ITSN2: variants seen among roughly 807,000 people sequenced by gnomAD.
ITSN2 encodes the protein intersectin 2.
ITSN2 carries 156 observed loss-of-function variants against 243.7 expected under a neutral mutation model. The observed-to-expected ratio is 0.64, with a 90% CI of 0.56 to 0.73. ITSN2 has a LOEUF of 0.73. ITSN2 is among the 30% of genes least tolerant of loss of function. ITSN2 has a pLI of 0.00. For synonymous variants in ITSN2, 703 were observed against 699.9 expected (o/e 1.00, Z -0.07); for missense variants, 1,801 against 1,996.1 (o/e 0.90, Z 1.86).
chr2:24,320,982 T>C (rs1684502496), intron 2 of ITSN2, among the ~76,000 whole-genome samples: 1 of 152,132 alleles, frequency 6.6e-6, no homozygotes, highest in Non-Finnish European at 1.5e-5. Context: ...GCCAACTTAG[T>C]GGTATGTACA....
rs536094948 is a variant in ITSN2, at chr2:24,290,921, T to C, written c.1723+2767A>G. The stretch of plus-strand genomic sequence containing the variant: ...GTTAGTCTCCTCCCCCCTACCAAAG[T>C]TTTTCTTTTTCAAGTTTTGCCTAAT... On this transcript the variant is annotated intron_variant, in intron 15 of 39. Transcript: ENST00000355123. 2.0e-5 allele frequency among the ~76,000 whole-genome samples: 3 copies of C among 152,254 alleles called. No homozygotes were observed. The South Asian group carries it at 6.2e-4, about 32-fold the overall frequency.
rs777743702 is a variant in ITSN2, at chr2:24,204,344, T to G, written c.4837A>C (p.Asn1613His). 1.2e-6 allele frequency: 2 copies of G among 1,613,988 alleles called. No homozygotes were observed. Among genetic ancestry groups the G allele is most frequent in the Non-Finnish European group, 1.7e-6 (2 of 1,179,988 alleles). Residue 1613 changes from asparagine (N) to histidine (H), a missense_variant, in exon 39 of 40, where the codon AAT (asparagine) becomes CAT (histidine). Physicochemically the swap from Asn to His is moderately conservative, Grantham distance 68. Transcript: ENST00000355123. This position sits in a 1 kb window ranked among gnomAD's most constrained non-coding sequence, Gnocchi z 5.1. ...YTTRTIQDTL[N>H]PKWNFNCQFF... ...TGGCAGTTAAAATTCCACTTGGGAT[T>G]GAGTGTGTCCTGGATGGTCCTGGTG... is the stretch of plus-strand genomic sequence containing the variant.
intron 9 of ITSN2, among the ~76,000 whole-genome samples, chr2:24,302,374 A>G (rs940280447): frequency 2.6e-5 from 4 of 151,558 alleles, no homozygotes; most frequent in Non-Finnish European, 5.9e-5. Context: ...AATTTTTTGT[A>G]TTTTTAGTAG....
intron 38 of ITSN2, among the ~76,000 whole-genome samples, chr2:24,205,007 C>A (rs547179082): frequency 7.2e-5 from 11 of 152,132 alleles, no homozygotes; most frequent in African/African-American, 2.4e-4. Context: ...ATTTGCCAGG[C>A]GTGGTGGTGC....
intron 29 of ITSN2, among the ~76,000 whole-genome samples, chr2:24,236,363 G>A (rs1672148831): frequency 6.6e-6 from 1 of 151,958 alleles, no homozygotes; most frequent in Admixed American, 6.6e-5. Flanking sequence ...AGGGAAATGG[G>A]GGTGATAGCT....
rs1020816840 is a variant in ITSN2 at position 24,299,046 on chromosome 2, T to C, written c.1345-232A>G. Among the ~76,000 whole-genome samples, 449 of 149,422 alleles carry C rather than the reference T, an allele frequency of 3.0e-3. 3 individuals carry two copies. Among genetic ancestry groups the C allele is most frequent in the Admixed American group, 4.6e-3 (70 of 15,074 alleles). The stretch of plus-strand genomic sequence containing the variant: ...GAGATCTTTTTTTTTTTTTTTTTTT[T>C]CCAGACAGCATCTTGCTCTGTCACC... On this transcript the variant is annotated intron_variant, in intron 12 of 39. Transcript: ENST00000355123.
chr2:24,205,778 TAGC>T (rs1226912477), intron 37 of ITSN2: 3 of 167,538 alleles, frequency 1.8e-5, no homozygotes, highest in Admixed American at 1.1e-4. Flanking sequence ...CAGCACTTAA[TAGC>T]AGCTAACATT....
intron 29 of ITSN2, among the ~76,000 whole-genome samples, chr2:24,234,519 C>A (rs1187672199): frequency 6.6e-6 from 1 of 152,112 alleles, no homozygotes; most frequent in East Asian, 1.9e-4. Flanking sequence ...TAAATGTAAA[C>A]ACTTTCATTC....
intron 1 of ITSN2, among the ~76,000 whole-genome samples, chr2:24,349,699 C>G (rs1270622686): frequency 1.3e-5 from 2 of 152,172 alleles, no homozygotes; most frequent in Non-Finnish European, 2.9e-5. Flanking sequence ...CATTCCCAAA[C>G]TATTCTAACC....
At chr2:24,297,174 A>C (rs1288541064) in intron 13 of ITSN2, among the ~76,000 whole-genome samples, 1 of 152,228 alleles carries the variant, frequency 6.6e-6, no homozygotes, top group East Asian at 1.9e-4. Context: ...CTGACTAAAG[A>C]TATTGTGATG....
At chr2:24,313,072 G>T in intron 4 of ITSN2, among the ~76,000 whole-genome samples, 1 of 148,544 alleles carries the variant, frequency 6.7e-6, no homozygotes, top group East Asian at 2.0e-4. Context: ...CCAAAAAACT[G>T]AAGAAATACC....
rs1688455124 is a variant in ITSN2 at position 24,356,436 on chromosome 2, C to T, written c.-34+3868G>A. ...CGGGAGAAAATTTTTGCAATCTATC[C>T]ATCTGACAAAGGTCTAATATCCAGA... is the stretch of plus-strand genomic sequence containing the variant. On this transcript the variant is annotated intron_variant, in intron 1 of 39. Coordinates refer to ENST00000355123, the MANE Select transcript of ITSN2 (RefSeq NM_006277.3). Among the ~76,000 whole-genome samples the T allele has an allele frequency of 4.6e-5, 7 of 150,736 alleles. No homozygotes were observed. In the South Asian group the frequency reaches 1.5e-3, roughly 32 times the overall value.
At chr2:24,359,998 C>T (rs1414236677) in intron 1 of ITSN2, among the ~76,000 whole-genome samples, 1 of 152,120 alleles carries the variant, frequency 6.6e-6, no homozygotes, top group Non-Finnish European at 1.5e-5. Flanking sequence ...CGTCCGCCAC[C>T]TGCCAGACGA....
At chr2:24,283,428 G>A (rs1231793017) in intron 17 of ITSN2, among the ~76,000 whole-genome samples, 1 of 152,140 alleles carries the variant, frequency 6.6e-6, no homozygotes. Context: ...GTTTCACCAT[G>A]TTGGCCACGC....
At chr2:24,271,698 T>TG in intron 19 of ITSN2, 68 bp downstream of exon 19, 1 of 1,423,518 alleles carries the variant, frequency 7.0e-7, no homozygotes, top group Non-Finnish European at 9.2e-7. Context: ...TCCCTTTTTT[T>TG]GTCTCTTATC....
intron 29 of ITSN2, among the ~76,000 whole-genome samples, chr2:24,224,826 C>T (rs1401333543): frequency 6.6e-6 from 1 of 152,160 alleles, no homozygotes; most frequent in Non-Finnish European, 1.5e-5. Context: ...GACGGGGTTT[C>T]GCCATGTTGG....
At chr2:24,343,081 A>AC (rs1159333672) in intron 1 of ITSN2, among the ~76,000 whole-genome samples, 1 of 146,402 alleles carries the variant, frequency 6.8e-6, no homozygotes, top group Non-Finnish European at 1.5e-5. Flanking sequence ...ACAGAGTGAG[A>AC]CCCCATCTCA....
chr2:24,326,282 T>A (rs1227856641), intron 2 of ITSN2, among the ~76,000 whole-genome samples: 2 of 152,196 alleles, frequency 1.3e-5, no homozygotes, highest in African/African-American at 4.8e-5. Context: ...ATTCTTTTGT[T>A]ATTGAATAGT....
chr2:24,300,321 G>T, intron 11 of ITSN2, 150 bp from the exon 12 acceptor site: 2 of 697,722 alleles, frequency 2.9e-6, no homozygotes, highest in South Asian at 3.3e-5. Context: ...AAATCTAAGT[G>T]GAAAAATATC....
Sources: gnomAD v4.1 joint callset for allele counts (sites outside exome capture counted in the v4.1 genomes callset) on GRCh38, gnomAD v4.1.1 for gene constraint, Gnocchi (gnomAD v3.1) non-coding constraint, MANE v1.5 for transcripts, NCBI Gene and HGNC (gene_info 2026-07-23, HGNC 2026-07-21) for gene names.